Variants in MACROD2 observed in about 807,000 individuals in gnomAD.
The protein encoded by MACROD2 is mono-ADP ribosylhydrolase 2, also known as ADP-ribose glycohydrolase MACROD2.
Under a neutral mutation model 70.4 loss-of-function variants are expected in MACROD2, and 36 were observed. The observed-to-expected ratio is 0.51, with a 90% CI of 0.39 to 0.68. MACROD2 has a LOEUF of 0.68. Ranked by LOEUF, MACROD2 falls within the 30% of genes least tolerant of loss-of-function variation. The pLI is 0.00. For missense variants in MACROD2, 496 were observed against 538.4 expected (o/e 0.92, Z 0.78); for synonymous variants, 172 against 178.8 (o/e 0.96, Z 0.30).
chr20:14,876,024 A>G (rs2073546775), intron 5 of MACROD2, among the ~76,000 whole-genome samples: 1 of 152,070 alleles, frequency 6.6e-6, no homozygotes, highest in African/African-American at 2.4e-5. Context: ...TCTGTTTTAA[A>G]TTATTTGAGA....
At chr20:14,649,237 T>C (rs1442658042) in intron 4 of MACROD2, among the ~76,000 whole-genome samples, 2 of 152,212 alleles carry the variant, frequency 1.3e-5, no homozygotes, top group Non-Finnish European at 2.9e-5. Flanking sequence ...AGTTCTACCA[T>C]GAAGTATGGA....
chr20:15,626,697 A>C (rs536673146), intron 8 of MACROD2, among the ~76,000 whole-genome samples: 70 of 152,272 alleles, frequency 4.6e-4, no homozygotes, highest in Non-Finnish European at 4.9e-4. Context: ...TCTACTAAAA[A>C]TACAAAAATT....
At chr20:15,803,267 C>G (rs2147075369) in intron 8 of MACROD2, among the ~76,000 whole-genome samples, 2 of 152,196 alleles carry the variant, frequency 1.3e-5, no homozygotes, top group South Asian at 4.1e-4. Context: ...AATAAAACAT[C>G]AGCAGAGTGA....
chr20:14,596,794 G>A (rs1982173160), intron 4 of MACROD2, among the ~76,000 whole-genome samples: 1 of 152,110 alleles, frequency 6.6e-6, no homozygotes, highest in Admixed American at 6.5e-5. Context: ...CTGTACCATG[G>A]AGTTAATAAC....
intron 4 of MACROD2, among the ~76,000 whole-genome samples, chr20:14,544,231 C>CTT (rs11318084): frequency 0.013 from 1,858 of 143,854 alleles, 16 homozygotes; most frequent in Non-Finnish European, 0.022. Flanking sequence ...ATGATTCCTT[C>CTT]TTTTTTTTTT....
At chr20:14,383,338 G>A (rs1281167054) in intron 3 of MACROD2, among the ~76,000 whole-genome samples, 1 of 150,730 alleles carries the variant, frequency 6.6e-6, no homozygotes, top group Admixed American at 6.6e-5. Flanking sequence ...TTGGAACTCC[G>A]TGACGATAGG....
intron 3 of MACROD2, among the ~76,000 whole-genome samples, chr20:14,253,175 G>T (rs1267218785): frequency 6.6e-6 from 1 of 151,980 alleles, no homozygotes; most frequent in African/African-American, 2.4e-5. Context: ...TATATTTTAT[G>T]AGTAGTGATT....
intron 12 of MACROD2, among the ~76,000 whole-genome samples, chr20:15,962,460 A>G (rs1267669359): frequency 6.6e-6 from 1 of 152,242 alleles, no homozygotes. Flanking sequence ...CTCATTTGCT[A>G]GTATTTTCAA....
At chr20:15,317,527 GTCTATCTA>G (rs1298157488) in intron 6 of MACROD2, among the ~76,000 whole-genome samples, 1 of 103,150 alleles carries the variant, frequency 9.7e-6, no homozygotes, top group Non-Finnish European at 2.1e-5. Flanking sequence ...CTATCTATCT[GTCTATCTA>G]TCTCTATCAA....
At chr20:14,469,163 A>AT (rs1231410051) in intron 3 of MACROD2, among the ~76,000 whole-genome samples, 1 of 151,712 alleles carries the variant, frequency 6.6e-6, no homozygotes, top group Non-Finnish European at 1.5e-5. Flanking sequence ...TCTGTAAAGG[A>AT]TTTTTTTTCT....
chr20:14,921,806 G>A (rs904640030), intron 5 of MACROD2, among the ~76,000 whole-genome samples: 2 of 152,182 alleles, frequency 1.3e-5, no homozygotes, highest in African/African-American at 4.8e-5. Flanking sequence ...ATAGTCCAAT[G>A]AAGAAATTAT....
chr20:15,167,999 A>G (rs948521214), intron 5 of MACROD2, among the ~76,000 whole-genome samples: 2 of 152,150 alleles, frequency 1.3e-5, no homozygotes, highest in Non-Finnish European at 2.9e-5. Context: ...CTGTCCCCAC[A>G]CCTCTCTCAA....
intron 8 of MACROD2, among the ~76,000 whole-genome samples, chr20:15,581,996 C>A (rs1210898560): frequency 6.6e-6 from 1 of 152,128 alleles, no homozygotes. Flanking sequence ...ATGGCGTGGA[C>A]CTGTAGTCCC....
At chr20:15,387,535 T>C (rs933394677) in intron 6 of MACROD2, among the ~76,000 whole-genome samples, 6 of 150,514 alleles carry the variant, frequency 4.0e-5, no homozygotes, top group African/African-American at 1.5e-4. Context: ...TTTCTCCCTC[T>C]CCTTTCTCTC....
chr20:14,633,717 T>C lies in MACROD2; in HGVS notation c.302-51126T>C, dbSNP rs1243187116. Reference sequence around the variant, plus strand: ...TCTCGCTTCCTTCTCTCCCACATCCTGTCCTTAAACGACCTCCCTCTTGAG... The same window carrying C: ...TCTCGCTTCCTTCTCTCCCACATCCCGTCCTTAAACGACCTCCCTCTTGAG... On this transcript the variant is annotated intron_variant, in intron 4 of 17. Transcript: ENST00000684519. Among the ~76,000 whole-genome samples, 5 of 152,196 alleles carry C rather than the reference T, an allele frequency of 3.3e-5. No homozygotes were observed. The South Asian group carries it at 1.0e-3, about 32-fold the overall frequency.
intron 8 of MACROD2, among the ~76,000 whole-genome samples, chr20:15,722,997 T>C (rs2050809292): frequency 6.6e-6 from 1 of 152,226 alleles, no homozygotes; most frequent in South Asian, 2.1e-4. Flanking sequence ...TTGTTATGTG[T>C]CAAATGTCTA....
At chr20:15,777,100 T>C (rs2051734040) in intron 8 of MACROD2, among the ~76,000 whole-genome samples, 1 of 152,190 alleles carries the variant, frequency 6.6e-6, no homozygotes, top group Non-Finnish European at 1.5e-5. Flanking sequence ...GCCTGGAAGA[T>C]CTGCTTTGCT....
chr20:15,756,572 GA>G (rs2051350789), intron 8 of MACROD2, among the ~76,000 whole-genome samples: 1 of 152,132 alleles, frequency 6.6e-6, no homozygotes, highest in African/African-American at 2.4e-5. Flanking sequence ...GTTAGTAAGA[GA>G]AAACATGAGG....
At chr20:14,315,093 C>T (rs2082602065) in intron 3 of MACROD2, among the ~76,000 whole-genome samples, 2 of 152,088 alleles carry the variant, frequency 1.3e-5, no homozygotes, top group Admixed American at 1.3e-4. Flanking sequence ...TTGGAGTCAG[C>T]ATGTCACAAT....
Sources: gnomAD v4.1 joint callset for allele counts (sites outside exome capture counted in the v4.1 genomes callset) on GRCh38, gnomAD v4.1.1 for gene constraint, MANE v1.5 for transcripts, NCBI Gene and HGNC (gene_info 2026-07-23, HGNC 2026-07-21) for gene names.